The following RAPGEF6 variants were observed in gnomAD, a reference collection of about 807,000 sequenced individuals.
RAPGEF6 encodes Rap guanine nucleotide exchange factor 6, also known as PDZ domain containing guanine nucleotide exchange factor (GEF) 2.
RAPGEF6 carries 56 observed loss-of-function variants against 171.4 expected under a neutral mutation model. That is an observed-to-expected ratio of 0.33 (90% CI 0.26 to 0.41). The LOEUF is 0.41. Among genes scored for constraint, RAPGEF6 ranks in the 10% least tolerant of loss-of-function variants. The pLI is 1.00. For missense variants in RAPGEF6, 1,674 were observed against 1,921.4 expected (o/e 0.87, Z 2.41); for synonymous variants, 692 against 650.1 (o/e 1.06, Z -0.98).
intron 1 of RAPGEF6, among the ~76,000 whole-genome samples, chr5:131,616,360 A>G (rs1487616650): frequency 1.3e-5 from 2 of 152,222 alleles, no homozygotes; most frequent in Admixed American, 1.3e-4. Flanking sequence ...GGAGCACTGT[A>G]TAAACAAGTA....
At chr5:131,580,599 A>G (rs1023155961) in intron 4 of RAPGEF6, among the ~76,000 whole-genome samples, 1 of 152,218 alleles carries the variant, frequency 6.6e-6, no homozygotes, top group Non-Finnish European at 1.5e-5. Flanking sequence ...AATAGCAGTG[A>G]AAGGTTATTC....
intron 5 of RAPGEF6, among the ~76,000 whole-genome samples, chr5:131,559,834 AG>A (rs1761479568): frequency 1.3e-5 from 2 of 150,126 alleles, no homozygotes; most frequent in African/African-American, 2.5e-5. Context: ...CTTTTCTTTA[AG>A]AAAAAAAGAA....
At chr5:131,455,115 GA>G (rs1338078006) in intron 20 of RAPGEF6, among the ~76,000 whole-genome samples, 1 of 152,162 alleles carries the variant, frequency 6.6e-6, no homozygotes, top group African/African-American at 2.4e-5. Flanking sequence ...CGGAAGCTCT[GA>G]AATGCAAGAA....
intron 6 of RAPGEF6, chr5:131,532,999 G>A (rs1759498954): frequency 6.6e-6 from 1 of 152,534 alleles, no homozygotes; most frequent in African/African-American, 2.4e-5. Context: ...AGCTCCTATT[G>A]ATTCTATGCT....
intron 5 of RAPGEF6, 97 bp downstream of exon 5, chr5:131,561,881 A>T: frequency 1.1e-6 from 1 of 872,106 alleles, no homozygotes; most frequent in Non-Finnish European, 1.8e-6. Context: ...CTAAAAGGTC[A>T]TAGTAATAAA....
At chr5:131,434,719 T>C (rs1429222456) in intron 24 of RAPGEF6, among the ~76,000 whole-genome samples, 1 of 152,208 alleles carries the variant, frequency 6.6e-6, no homozygotes, top group African/African-American at 2.4e-5. Flanking sequence ...AGCAGACAAC[T>C]AGAGAGATGT....
At chr5:131,457,083 A>G (rs1303118210) in intron 19 of RAPGEF6, among the ~76,000 whole-genome samples, 1 of 152,178 alleles carries the variant, frequency 6.6e-6, no homozygotes, top group African/African-American at 2.4e-5. Context: ...TTTATTTGAG[A>G]CACAGTCTTG....
chr5:131,516,122 T>C (rs1183876315), intron 7 of RAPGEF6, among the ~76,000 whole-genome samples: 3 of 129,710 alleles, frequency 2.3e-5, no homozygotes, highest in South Asian at 2.6e-4. Flanking sequence ...GGAGTCTTTC[T>C]CTGTCACCCA....
chr5:131,528,528 G>A (rs1759145194), intron 6 of RAPGEF6, among the ~76,000 whole-genome samples: 1 of 151,368 alleles, frequency 6.6e-6, no homozygotes, highest in South Asian at 2.1e-4. Context: ...AAAGTTGAGA[G>A]TTGGAAGGAT....
Position 131,426,747 on chromosome 5 carries a change from C to T in RAPGEF6, c.*519G>A. On this transcript the variant is annotated 3_prime_UTR_variant, in exon 28 of 28. Coordinates refer to ENST00000509018, the MANE Select transcript of RAPGEF6 (RefSeq NM_016340.6). ...GACTTCTGTTTGGTCAGACCAGAGACAATTTTATGACCTCAAACATGAATA... is the reference window on the plus strand; with the variant it reads ...GACTTCTGTTTGGTCAGACCAGAGATAATTTTATGACCTCAAACATGAATA... 1 of 170,478 alleles carries T rather than the reference C, an allele frequency of 5.9e-6. No homozygotes were observed. The highest frequency in any genetic ancestry group is 1.2e-5 in the Non-Finnish European group (1 of 80,774). The allele number at this position is 170,478 out of a possible 1,614,324, so 10.6% of individuals were successfully genotyped here.
chr5:131,606,748 T>C (rs916021750), intron 1 of RAPGEF6, among the ~76,000 whole-genome samples: 1 of 152,184 alleles, frequency 6.6e-6, no homozygotes, highest in Non-Finnish European at 1.5e-5. Context: ...AGTGAGGTTG[T>C]ATAAAAGATT....
At chr5:131,545,330 A>C (rs145104183) in intron 6 of RAPGEF6, among the ~76,000 whole-genome samples, 3 of 152,334 alleles carry the variant, frequency 2.0e-5, no homozygotes, top group African/African-American at 7.2e-5. Context: ...TAATTATGAT[A>C]AACAACAGTT....
At chr5:131,544,133 C>G (rs564766913) in intron 6 of RAPGEF6, among the ~76,000 whole-genome samples, 2 of 152,200 alleles carry the variant, frequency 1.3e-5, no homozygotes, top group African/African-American at 4.8e-5. Context: ...CACTAAATAA[C>G]AATTTTGGTA....
chr5:131,450,824 T>TC (rs1554071348), intron 21 of RAPGEF6, among the ~76,000 whole-genome samples: 2 of 152,216 alleles, frequency 1.3e-5, no homozygotes. Flanking sequence ...TTTTTTATTT[T>TC]CCCCCAATAC....
At chr5:131,550,004 T>A (rs763771027) in intron 5 of RAPGEF6, among the ~76,000 whole-genome samples, 22 of 152,008 alleles carry the variant, frequency 1.4e-4, no homozygotes, top group Non-Finnish European at 1.9e-4. Flanking sequence ...GATATGGGGG[T>A]GTGGGAGACT....
intron 19 of RAPGEF6, among the ~76,000 whole-genome samples, chr5:131,459,106 G>A (rs1271105772): frequency 6.6e-6 from 1 of 152,100 alleles, no homozygotes; most frequent in Non-Finnish European, 1.5e-5. Flanking sequence ...TACCACTTCA[G>A]CAACTAAAAC....
At chr5:131,518,584 G>T (rs1257349240) in intron 7 of RAPGEF6, among the ~76,000 whole-genome samples, 9 of 151,730 alleles carry the variant, frequency 5.9e-5, no homozygotes, top group Admixed American at 3.3e-4. Context: ...TTAGTAGAGA[G>T]AGGGTTTCTC....
chr5:131,456,085 C>A (rs1753475349), intron 19 of RAPGEF6, 73 bp from the exon 20 acceptor site: 2 of 1,024,446 alleles, frequency 2.0e-6, no homozygotes, highest in Non-Finnish European at 1.5e-6. Flanking sequence ...GCATATACAC[C>A]ATTTTCTCTA....
intron 27 of RAPGEF6, among the ~76,000 whole-genome samples, chr5:131,427,506 CTT>C (rs1751447919): frequency 1.3e-5 from 2 of 152,056 alleles, no homozygotes; most frequent in Admixed American, 6.6e-5. Flanking sequence ...TTTTATTACT[CTT>C]GTTTAAAAGC....
Sources: allele counts gnomAD v4.1 joint callset (sites outside exome capture counted in the v4.1 genomes callset), GRCh38; gene constraint gnomAD v4.1.1; transcripts MANE v1.5; gene names NCBI Gene and HGNC (gene_info 2026-07-23, HGNC 2026-07-21).